Variants in RALGPS1 observed in about 807,000 individuals in gnomAD.
RALGPS1 encodes the protein ras-specific guanine nucleotide-releasing factor RalGPS1.
In RALGPS1, 19 loss-of-function variants were observed where a neutral mutation model predicts 78.8. The ratio of observed to expected loss-of-function variants is 0.24; its 90% confidence interval spans 0.17 to 0.35. RALGPS1 has a LOEUF of 0.35. Ranked by LOEUF, RALGPS1 falls within the 10% of genes least tolerant of loss-of-function variation. The pLI is 1.00. For synonymous variants in RALGPS1, 228 were observed against 256.3 expected, an observed-to-expected ratio of 0.89 and a Z score of 1.06; for missense variants, 454 against 688.3, an observed-to-expected ratio of 0.66 and a Z score of 3.81.
intron 8 of RALGPS1, among the ~76,000 whole-genome samples, chr9:127,115,386 C>T (rs375818065): frequency 2.1e-4 from 32 of 152,242 alleles, no homozygotes; most frequent in African/African-American, 7.7e-4. Context: ...GACAGGGTTT[C>T]GCCATGCTGG....
chr9:127,033,283 G>T (rs1218060312), intron 4 of RALGPS1, among the ~76,000 whole-genome samples: 1 of 152,176 alleles, frequency 6.6e-6, no homozygotes, highest in East Asian at 1.9e-4. Flanking sequence ...ACCAGGAGCT[G>T]CTGTTGCCTT....
chr9:126,999,266 C>T (rs1324979466), intron 4 of RALGPS1, among the ~76,000 whole-genome samples: 2 of 152,024 alleles, frequency 1.3e-5, no homozygotes, highest in East Asian at 3.8e-4. Context: ...CACAGCCTCC[C>T]CCACTATCAG....
intron 8 of RALGPS1, among the ~76,000 whole-genome samples, chr9:127,150,892 G>A (rs2058377641): frequency 6.6e-6 from 1 of 152,104 alleles, no homozygotes; most frequent in Non-Finnish European, 1.5e-5. Context: ...TCCATTAAGA[G>A]TGAATTCAGG....
chr9:127,025,506 C>G (rs1412309164), intron 4 of RALGPS1, among the ~76,000 whole-genome samples: 1 of 152,172 alleles, frequency 6.6e-6, no homozygotes, highest in Admixed American at 6.5e-5. Context: ...TCCTAAATGG[C>G]TGTTCTGATC....
chr9:127,142,648 A>G (rs190185456), intron 8 of RALGPS1, among the ~76,000 whole-genome samples: 29 of 152,306 alleles, frequency 1.9e-4, no homozygotes, highest in Non-Finnish European at 3.1e-4. Context: ...CAAACATTTT[A>G]CTTGCTGCTG....
At chr9:126,998,356 G>A (rs893259696) in intron 4 of RALGPS1, among the ~76,000 whole-genome samples, 21 of 152,122 alleles carry the variant, frequency 1.4e-4, no homozygotes, top group Non-Finnish European at 2.6e-4. Flanking sequence ...AGTGGGCAAA[G>A]GATATGAACA....
intron 8 of RALGPS1, among the ~76,000 whole-genome samples, chr9:127,158,595 TTTTA>T (rs1415000690): frequency 1.3e-5 from 2 of 152,204 alleles, no homozygotes; most frequent in Non-Finnish European, 2.9e-5. Context: ...CAACTTTCAG[TTTTA>T]TTTATCACTT....
chr9:127,112,258 GTGTT>G (rs1185542204), intron 8 of RALGPS1, among the ~76,000 whole-genome samples: 2 of 152,246 alleles, frequency 1.3e-5, no homozygotes, highest in Non-Finnish European at 2.9e-5. Flanking sequence ...GAGTTTGGAA[GTGTT>G]TGCCTCGTTT....
At chr9:126,957,396 C>G (rs2038448205) in intron 1 of RALGPS1, among the ~76,000 whole-genome samples, 1 of 152,196 alleles carries the variant, frequency 6.6e-6, no homozygotes, top group African/African-American at 2.4e-5. Flanking sequence ...TTGGGAAGAG[C>G]TACAGAGTGC....
intron 8 of RALGPS1, among the ~76,000 whole-genome samples, chr9:127,164,361 G>A (rs1394109043): frequency 3.4e-5 from 5 of 148,438 alleles, no homozygotes; most frequent in Admixed American, 2.7e-4. Flanking sequence ...TCAGCCTCCC[G>A]AGTAGCTGGG....
At chr9:126,982,784 CTCTTCTTCT>C (rs372888642) in intron 4 of RALGPS1, among the ~76,000 whole-genome samples, 16 of 149,540 alleles carry the variant, frequency 1.1e-4, no homozygotes, top group South Asian at 4.2e-4. Context: ...CTTCTTCTTC[CTCTTCTTCT>C]TCTTCTTCTT....
chr9:127,211,837 G>A lies in RALGPS1; in HGVS notation c.1248-294G>A, dbSNP rs887511091. On this transcript the variant is annotated intron_variant, in intron 14 of 18. Transcript: ENST00000259351. The surrounding 1 kb of genome is among the most constrained non-coding windows in gnomAD (Gnocchi z 5.0). The stretch of plus-strand genomic sequence containing the variant: ...CCCAGGGAGCGGCCAGGCTGTAGCC[G>A]TGACAAAAGCATCCCTTAGGGTGGG... Among the ~76,000 whole-genome samples, 1 of 152,172 alleles carries A rather than the reference G, an allele frequency of 6.6e-6. No homozygotes were observed. Among genetic ancestry groups the A allele is most frequent in the Non-Finnish European group, 1.5e-5 (1 of 68,024 alleles).
intron 10 of RALGPS1, among the ~76,000 whole-genome samples, chr9:127,173,028 G>A (rs1053549923): frequency 6.6e-6 from 1 of 152,180 alleles, no homozygotes; most frequent in South Asian, 2.1e-4. Context: ...TGTGTGAGGG[G>A]GGAAACCCTT....
At chr9:127,029,760 T>C (rs577550490) in intron 4 of RALGPS1, among the ~76,000 whole-genome samples, 13 of 152,304 alleles carry the variant, frequency 8.5e-5, no homozygotes, top group African/African-American at 2.6e-4. Flanking sequence ...CTCCCCAGTC[T>C]CCTTTCCCAA....
At chr9:127,170,234 G>A (rs1471042026) in intron 10 of RALGPS1, among the ~76,000 whole-genome samples, 3 of 152,162 alleles carry the variant, frequency 2.0e-5, no homozygotes, top group African/African-American at 7.2e-5. Flanking sequence ...TGTTCAAGCA[G>A]TGTCCCACCT....
intron 7 of RALGPS1, among the ~76,000 whole-genome samples, chr9:127,064,411 T>C (rs1447706609): frequency 6.6e-6 from 1 of 152,218 alleles, no homozygotes; most frequent in East Asian, 1.9e-4. Flanking sequence ...AAACCCTATA[T>C]TTAAAAAATT....
chr9:127,056,335 A>G (rs1159956107), intron 7 of RALGPS1, among the ~76,000 whole-genome samples: 1 of 152,210 alleles, frequency 6.6e-6, no homozygotes, highest in Non-Finnish European at 1.5e-5. Flanking sequence ...CCCAGGAAAT[A>G]AGAATGGCAA....
At chr9:127,100,620 G>A (rs2136797888) in intron 8 of RALGPS1, among the ~76,000 whole-genome samples, 1 of 152,322 alleles carries the variant, frequency 6.6e-6, no homozygotes. Flanking sequence ...GGAGGTCTCT[G>A]ATGTAGAGGT....
chr9:126,979,239 TTATGTGTGTGTGTG>T (rs2040986398), intron 4 of RALGPS1, among the ~76,000 whole-genome samples: 2 of 92,094 alleles, frequency 2.2e-5, no homozygotes, highest in African/African-American at 7.3e-5. Flanking sequence ...TATTGTATTA[TTATGTGTGTGTGTG>T]TGTGTGTGTG....
Sources: allele counts gnomAD v4.1 joint callset (sites outside exome capture counted in the v4.1 genomes callset), GRCh38; gene constraint gnomAD v4.1.1; non-coding constraint Gnocchi (gnomAD v3.1); transcripts MANE v1.5; gene names NCBI Gene and HGNC (gene_info 2026-07-23, HGNC 2026-07-21).